Variants in ZBTB7C observed in about 807,000 individuals in gnomAD.
ZBTB7C encodes zinc finger and BTB domain containing 7C, also known as zinc finger and BTB domain-containing protein 7C.
Under a neutral mutation model 25.7 loss-of-function variants are expected in ZBTB7C, and 8 were observed. The observed-to-expected ratio is 0.31, with a 90% CI of 0.18 to 0.56. The LOEUF (loss-of-function observed/expected upper bound fraction) is 0.56. Ranked by LOEUF, ZBTB7C falls within the 20% of genes least tolerant of loss-of-function variation. The probability of loss-of-function intolerance (pLI) is 0.91; values close to 1 mark genes in which losing one functional copy is unlikely to be tolerated. For missense variants in ZBTB7C, 824 were observed against 855.2 expected (o/e 0.96, Z 0.46); for synonymous variants, 394 against 369.0 (o/e 1.07, Z -0.78).
intron 2 of ZBTB7C, among the ~76,000 whole-genome samples, chr18:48,275,164 C>T (rs947023341): frequency 2.0e-4 from 31 of 152,150 alleles, no homozygotes; most frequent in African/African-American, 7.5e-4. Flanking sequence ...TACTTGATAC[C>T]AAACTCGGCT....
intron 3 of ZBTB7C, among the ~76,000 whole-genome samples, chr18:48,123,104 G>C (rs1177998875): frequency 6.6e-6 from 1 of 152,152 alleles, no homozygotes; most frequent in African/African-American, 2.4e-5. Context: ...CCCAGACACA[G>C]AGAGCAAGCA....
chr18:48,403,808 C>T (rs2048216298), intron 1 of ZBTB7C, among the ~76,000 whole-genome samples: 1 of 152,068 alleles, frequency 6.6e-6, no homozygotes, highest in African/African-American at 2.4e-5. Flanking sequence ...ACCACCTGTT[C>T]CCCAAAAACC....
At chr18:48,310,229 C>CA (rs201208058) in intron 2 of ZBTB7C, among the ~76,000 whole-genome samples, 1,524 of 129,922 alleles carry the variant, frequency 0.012, 12 homozygotes, top group Non-Finnish European at 0.012. Flanking sequence ...GACTCCACCT[C>CA]AAAAAAAAAA....
At chr18:48,389,692 C>T (rs933239928) in intron 1 of ZBTB7C, among the ~76,000 whole-genome samples, 3 of 152,072 alleles carry the variant, frequency 2.0e-5, no homozygotes, top group African/African-American at 7.2e-5. Context: ...AAACCACATT[C>T]CTGTGCAGTG....
At chr18:48,038,935 C>A (rs867049655) in intron 4 of ZBTB7C, among the ~76,000 whole-genome samples, 2 of 152,180 alleles carry the variant, frequency 1.3e-5, no homozygotes, top group South Asian at 4.1e-4. Context: ...AGATCAGCCT[C>A]ACACCAGGAA....
At chr18:48,366,621 G>A (rs544189091) in intron 1 of ZBTB7C, among the ~76,000 whole-genome samples, 3 of 152,278 alleles carry the variant, frequency 2.0e-5, no homozygotes, top group Non-Finnish European at 2.9e-5. Flanking sequence ...CAACCCAAAA[G>A]GGAAATGTAA....
chr18:48,131,301 A>G (rs1217044050), intron 3 of ZBTB7C, among the ~76,000 whole-genome samples: 1 of 152,264 alleles, frequency 6.6e-6, no homozygotes, highest in Non-Finnish European at 1.5e-5. Context: ...GTCCATTCAT[A>G]GCAGAGCATA....
At chr18:48,257,924 C>T (rs1430699453) in intron 2 of ZBTB7C, among the ~76,000 whole-genome samples, 1 of 152,116 alleles carries the variant, frequency 6.6e-6, no homozygotes, top group African/African-American at 2.4e-5. Context: ...ATCCCACCCA[C>T]TTAAGAGGCT....
intron 2 of ZBTB7C, among the ~76,000 whole-genome samples, chr18:48,276,907 A>T (rs1284410790): frequency 7.6e-6 from 1 of 130,982 alleles, no homozygotes; most frequent in East Asian, 2.5e-4. Context: ...ACTAGTTTAC[A>T]GTCCCACCAA....
rs2036182968 is a variant in ZBTB7C at position 48,040,554 on chromosome 18, C to A, written c.554G>T (p.Cys185Phe). Residue 185 changes from cysteine (C) to phenylalanine (F), a missense_variant, in exon 4 of 5, where the codon TGC (cysteine) becomes TTC (phenylalanine). Around this residue, in one of 4 missense-constraint regions of ZBTB7C, gnomAD observed 316 missense variants for 299.2 expected, o/e 1.06. Transcript: ENST00000590800. ...GTCTGTCTTGGAAGGGCTTTGGTGGCAGCTGATGTCCTGGGGGTCAGGCAA... is the reference window on the plus strand; with the variant it reads ...GTCTGTCTTGGAAGGGCTTTGGTGGAAGCTGATGTCCTGGGGGTCAGGCAA... ...ENLPDPQDIS[C>F]HQSPSKTDHL... is the part of the protein sequence containing the mutation. 6.2e-7 allele frequency: 1 copy of A among 1,613,928 alleles called. No homozygotes were observed. The highest frequency in any genetic ancestry group is 1.7e-5 in the Admixed American group (1 of 59,988).
chr18:48,036,941 C>T (rs939688645), intron 4 of ZBTB7C, among the ~76,000 whole-genome samples: 7 of 152,170 alleles, frequency 4.6e-5, no homozygotes, highest in Admixed American at 6.5e-5. Flanking sequence ...GAATCCTTGC[C>T]GGGCAGTTCC....
At chr18:48,181,314 G>A (rs2041915547) in intron 3 of ZBTB7C, among the ~76,000 whole-genome samples, 1 of 152,212 alleles carries the variant, frequency 6.6e-6, no homozygotes, top group Non-Finnish European at 1.5e-5. Flanking sequence ...AGTGCTGTGA[G>A]CTGAGCAGTG....
intron 3 of ZBTB7C, chr18:48,041,668 T>A (rs1428896057): frequency 3.0e-6 from 1 of 335,520 alleles, no homozygotes; most frequent in Non-Finnish European, 4.2e-6. Flanking sequence ...GGGGGCCTTG[T>A]GGTATGTTTT....
intron 2 of ZBTB7C, among the ~76,000 whole-genome samples, chr18:48,309,102 G>A (rs1023551212): frequency 3.9e-5 from 6 of 152,154 alleles, no homozygotes; most frequent in African/African-American, 1.4e-4. Flanking sequence ...GCGGAGATGA[G>A]GGAAAGAAAA....
At chr18:48,244,284 A>G (rs893687979) in intron 2 of ZBTB7C, among the ~76,000 whole-genome samples, 12 of 152,118 alleles carry the variant, frequency 7.9e-5, no homozygotes, top group Non-Finnish European at 1.8e-4. Flanking sequence ...GTGTGGTGGC[A>G]GGTGCCTGTA....
intron 2 of ZBTB7C, among the ~76,000 whole-genome samples, chr18:48,209,079 A>G (rs1025058317): frequency 1.3e-5 from 2 of 152,264 alleles, no homozygotes; most frequent in African/African-American, 4.8e-5. Context: ...GGATATATTT[A>G]TAGAGAAATG....
intron 3 of ZBTB7C, among the ~76,000 whole-genome samples, chr18:48,176,659 G>A (rs1248232706): frequency 7.2e-6 from 1 of 138,518 alleles, no homozygotes; most frequent in Non-Finnish European, 1.6e-5. Context: ...GAACACAAAT[G>A]ATTAAGCAAG....
chr18:48,180,088 C>CCCTTCCTTCCTTT (rs1174823194), intron 3 of ZBTB7C, among the ~76,000 whole-genome samples: 26 of 77,160 alleles, frequency 3.4e-4, no homozygotes, highest in African/African-American at 1.4e-3. Context: ...AAGATATTTC[C>CCCTTCCTTCCTTT]CCTTCCTTCC....
chr18:48,326,437 A>AAC lies in ZBTB7C; in HGVS notation c.-79+11735_-79+11736dup, dbSNP rs779397055. On this transcript the variant is annotated intron_variant, in intron 2 of 4. Coordinates refer to ENST00000590800, the MANE Select transcript of ZBTB7C (RefSeq NM_001318841.2). ...AAAGATTTGGGGTGGTCTGTAATTA[A>AAC]ACACACACACACACATACAACAAAA... Among the ~76,000 whole-genome samples, 59 of 151,878 alleles carry AAC rather than the reference A, an allele frequency of 3.9e-4. No homozygotes were observed. In the East Asian group the frequency reaches 9.7e-3, roughly 25 times the overall value.
Sources: allele counts gnomAD v4.1 joint callset (sites outside exome capture counted in the v4.1 genomes callset), GRCh38; gene constraint gnomAD v4.1.1; regional missense constraint gnomAD v4.1.1; transcripts MANE v1.5; gene names NCBI Gene and HGNC (gene_info 2026-07-23, HGNC 2026-07-21).